The following FBXO4 variants were observed in gnomAD, a reference collection of about 807,000 sequenced individuals.
The protein encoded by FBXO4 is F-box protein 4.
Under a neutral mutation model 43.7 loss-of-function variants are expected in FBXO4, and 36 were observed. That is an observed-to-expected ratio of 0.82 (90% confidence interval 0.63 to 1.09). The LOEUF is 1.09. Among genes scored for constraint, FBXO4 ranks in the 50% least tolerant of loss-of-function variants. The pLI, the probability that FBXO4 is intolerant of heterozygous loss-of-function variation, is 0.00. For synonymous variants in FBXO4, 180 were observed against 165.6 expected (o/e 1.09, Z -0.67); for missense variants, 435 against 474.1 (o/e 0.92, Z 0.77).
chr5:42,035,418 C>T, the FBXO4 span, among the ~76,000 whole-genome samples: 8 of 152,220 alleles, frequency 5.3e-5, no homozygotes, highest in South Asian at 1.0e-3. Context: ...AAAGGGAATG[C>T]TTCCAGCATT....
At chr5:42,039,252 C>G in the FBXO4 span, among the ~76,000 whole-genome samples, 27 of 152,008 alleles carry the variant, frequency 1.8e-4, no homozygotes, top group Non-Finnish European at 3.7e-4. Flanking sequence ...TACATAAGTA[C>G]CTTTCATTTC....
the FBXO4 span, among the ~76,000 whole-genome samples, chr5:41,991,063 T>A: frequency 6.6e-6 from 1 of 152,186 alleles, no homozygotes; most frequent in East Asian, 1.9e-4. Flanking sequence ...CTCATTACCA[T>A]CCTGGGTGAG....
chr5:41,968,549 G>C, the FBXO4 span, among the ~76,000 whole-genome samples: 2 of 152,196 alleles, frequency 1.3e-5, no homozygotes, highest in Non-Finnish European at 2.9e-5. Flanking sequence ...AACACGTTGG[G>C]AATCAGAAGT....
the FBXO4 span, among the ~76,000 whole-genome samples, chr5:41,990,841 C>T: frequency 2.0e-5 from 3 of 152,090 alleles, no homozygotes; most frequent in Non-Finnish European, 4.4e-5. Flanking sequence ...CTTCTTTGAC[C>T]TTTTATGGAA....
chr5:41,992,963 G>A, the FBXO4 span, among the ~76,000 whole-genome samples: 1 of 152,210 alleles, frequency 6.6e-6, no homozygotes, highest in Non-Finnish European at 1.5e-5. Context: ...CTTTTAAGTG[G>A]AGAATGATAA....
At chr5:42,022,458 T>C in the FBXO4 span, among the ~76,000 whole-genome samples, 1 of 152,088 alleles carries the variant, frequency 6.6e-6, no homozygotes, top group East Asian at 1.9e-4. Flanking sequence ...AGCCAGAAAA[T>C]ATTCAATTTG....
At chr5:42,025,620 C>A in the FBXO4 span, among the ~76,000 whole-genome samples, 10 of 151,774 alleles carry the variant, frequency 6.6e-5, no homozygotes, top group African/African-American at 1.9e-4. Context: ...TTTTCCCAGA[C>A]GAATGTCCTG....
chr5:42,012,204 G>A, the FBXO4 span, among the ~76,000 whole-genome samples: 1 of 152,150 alleles, frequency 6.6e-6, no homozygotes, highest in Non-Finnish European at 1.5e-5. Context: ...CATCATGGTG[G>A]CGTGCTTACC....
chr5:42,008,045 C>T, the FBXO4 span, among the ~76,000 whole-genome samples: 2 of 152,024 alleles, frequency 1.3e-5, no homozygotes, highest in Non-Finnish European at 2.9e-5. Flanking sequence ...ATGAAGATGA[C>T]TCTCATTAAA....
the FBXO4 span, chr5:41,967,406 G>T: frequency 7.5e-6 from 4 of 535,822 alleles, no homozygotes; most frequent in Admixed American, 2.1e-5. Flanking sequence ...GGTCATATTT[G>T]CTGTGATCAG....
the FBXO4 span, among the ~76,000 whole-genome samples, chr5:41,987,401 G>C: frequency 6.6e-6 from 1 of 152,138 alleles, no homozygotes; most frequent in East Asian, 1.9e-4. Context: ...TCAAATCTCT[G>C]TTCCTGCATG....
At chr5:42,030,851 A>G in the FBXO4 span, among the ~76,000 whole-genome samples, 7 of 152,184 alleles carry the variant, frequency 4.6e-5, no homozygotes, top group Non-Finnish European at 8.8e-5. Context: ...AAAAATACAT[A>G]AAAAAATCCT....
the FBXO4 span, among the ~76,000 whole-genome samples, chr5:41,960,288 A>G: frequency 3.3e-5 from 5 of 152,022 alleles, no homozygotes; most frequent in Non-Finnish European, 7.4e-5. Flanking sequence ...TATATAATGT[A>G]ATCTATGAAC....
At chr5:41,987,515 A>G in the FBXO4 span, among the ~76,000 whole-genome samples, 1 of 152,202 alleles carries the variant, frequency 6.6e-6, no homozygotes, top group African/African-American at 2.4e-5. Flanking sequence ...GGTAATTGTA[A>G]TAAGCTCCTT....
the FBXO4 span, among the ~76,000 whole-genome samples, chr5:41,989,888 T>G: frequency 6.6e-6 from 1 of 152,192 alleles, no homozygotes; most frequent in Non-Finnish European, 1.5e-5. Flanking sequence ...TTTAGCAGTT[T>G]AAGATTTTGC....
At chr5:41,938,419 A>G (rs1654402571) in intron 5 of FBXO4, among the ~76,000 whole-genome samples, 1 of 152,196 alleles carries the variant, frequency 6.6e-6, no homozygotes. Context: ...AGTCCAAAAG[A>G]AGGTAGGCAA....
the FBXO4 span, among the ~76,000 whole-genome samples, chr5:41,963,636 A>G: frequency 6.6e-6 from 1 of 152,344 alleles, no homozygotes; most frequent in African/African-American, 2.4e-5. Flanking sequence ...AGAAAATCAC[A>G]AGAAAGGGAA....
chr5:41,930,038 T>G, intron 3 of FBXO4, 121 bp downstream of exon 3: 1 of 785,958 alleles, frequency 1.3e-6, no homozygotes, highest in Admixed American at 3.0e-5. Flanking sequence ...CTTTGGTTGT[T>G]GGGAGCCCTA....
At chr5:42,022,675 A>G in the FBXO4 span, among the ~76,000 whole-genome samples, 14 of 152,242 alleles carry the variant, frequency 9.2e-5, no homozygotes, top group African/African-American at 3.4e-4. Flanking sequence ...TCAGTATTCC[A>G]AAGTGAGGTT....
Sources: allele counts gnomAD v4.1 joint callset (sites outside exome capture counted in the v4.1 genomes callset), GRCh38; gene constraint gnomAD v4.1.1; transcripts MANE v1.5; gene names NCBI Gene and HGNC (gene_info 2026-07-23, HGNC 2026-07-21).